The following NUP58 variants were observed in gnomAD, a reference collection of about 807,000 sequenced individuals.
NUP58 encodes the protein nucleoporin p58/p45.
Under a neutral mutation model 70.1 loss-of-function variants are expected in NUP58, and 17 were observed. The ratio of observed to expected loss-of-function variants is 0.24; its 90% confidence interval spans 0.17 to 0.36. NUP58 has a LOEUF of 0.36. Among genes scored for constraint, NUP58 ranks in the 10% least tolerant of loss-of-function variants. The pLI is 1.00. For synonymous variants in NUP58, 275 were observed against 257.6 expected (o/e 1.07, Z -0.65); for missense variants, 644 against 701.5 (o/e 0.92, Z 0.93).
intron 3 of NUP58, 119 bp from the exon 4 acceptor site, chr13:25,312,764 A>T: frequency 1.1e-6 from 1 of 916,346 alleles, no homozygotes; most frequent in Non-Finnish European, 1.6e-6. Flanking sequence ...CCCTTCTTCT[A>T]TTGGCAAAAG....
At position 25,321,105 on chromosome 13, in the gene NUP58, T is replaced by A; in HGVS notation, c.951+12T>A. On this transcript the variant is annotated intron_variant, in intron 9 of 15. Coordinates refer to ENST00000381736, the MANE Select transcript of NUP58 (RefSeq NM_014089.4). ...TAGAAACTGCTCAGGTATACCAACT[T>A]ATGGCCATTTTACCGTAGGGTTTTT... 1 of 1,562,530 alleles carries A rather than the reference T, an allele frequency of 6.4e-7. No individual in the cohort carries two copies. The highest frequency in any genetic ancestry group is 1.2e-5 in the South Asian group (1 of 81,426).
intron 13 of NUP58, chr13:25,335,975 T>TAAA: frequency 1.2e-6 from 1 of 838,090 alleles, no homozygotes; most frequent in Admixed American, 5.7e-5. Context: ...TGCTTAGTTT[T>TAAA]AAAAAAAAAA....
intron 13 of NUP58, chr13:25,336,352 T>A: frequency 3.1e-6 from 3 of 972,686 alleles, no homozygotes; most frequent in Non-Finnish European, 4.4e-6. Context: ...AAACATTGTC[T>A]TGTTTTTTAT....
At chr13:25,343,690 CA>C (rs1175501311), downstream of NUP58, among the ~76,000 whole-genome samples, 1 of 151,720 alleles carries the variant, frequency 6.6e-6, no homozygotes, top group Non-Finnish European at 1.5e-5. Flanking sequence ...CTCCTGACCT[CA>C]GGTAATCTGC....
intron 13 of NUP58, chr13:25,335,761 ATTC>A (rs1374907523): frequency 2.0e-6 from 2 of 983,856 alleles, no homozygotes; most frequent in Admixed American, 6.2e-5. Flanking sequence ...TACAAACCTC[ATTC>A]TTCATTGGAT....
chr13:25,318,447 A>AT (rs2031038646), intron 6 of NUP58, among the ~76,000 whole-genome samples: 1 of 152,170 alleles, frequency 6.6e-6, no homozygotes, highest in Non-Finnish European at 1.5e-5. Flanking sequence ...ATTTTTTCAC[A>AT]TTTTAACATC....
Position 25,328,412 on chromosome 13 carries a change from T to G in NUP58, c.1233+900T>G, listed in dbSNP as rs1395935757. 2.0e-5 allele frequency among the ~76,000 whole-genome samples: 3 copies of G among 149,664 alleles called. No homozygotes were observed. The East Asian group carries it at 6.0e-4, about 30-fold the overall frequency. ...GACTCTCGCTTTTTTTTTTTTTTTTTTGAGACAGACTCTTGCTCTGTCGCC... is the reference window on the plus strand; with the variant it reads ...GACTCTCGCTTTTTTTTTTTTTTTTGTGAGACAGACTCTTGCTCTGTCGCC... On this transcript the variant is annotated intron_variant, in intron 12 of 15. Transcript: ENST00000381736.
chr13:25,302,410 C>G (rs2030067415), intron 1 of NUP58, among the ~76,000 whole-genome samples: 1 of 152,094 alleles, frequency 6.6e-6, no homozygotes, highest in African/African-American at 2.4e-5. Flanking sequence ...AACAAAAACA[C>G]TTTTTTACAG....
chr13:25,324,912 A>AT (rs917682104), intron 9 of NUP58, 77 bp from the exon 10 acceptor site: 24 of 933,392 alleles, frequency 2.6e-5, no homozygotes, highest in Non-Finnish European at 3.5e-5. Flanking sequence ...GAGACTGAAT[A>AT]TTTTTTTTCG....
rs776809650 is a variant in NUP58, at chr13:25,331,492, A to G, written c.1369A>G (p.Thr457Ala). ...TACTACTGGACCCACTCCTTTCAGC[A>G]CCATGCCAAACGCAGCAGCCGTTGC... ...RVTTGPTPFS[T>A]MPNAAAVAMA... The change falls in exon 13 of 16, where the codon ACC (threonine) becomes GCC (alanine). Residue 457 changes from threonine (T) to alanine (A), a missense_variant. This residue lies in a region of NUP58 where 132 missense variants were observed against 203.9 expected (regional missense o/e 0.65). Transcript: ENST00000381736. 1.9e-6 allele frequency: 3 copies of G among 1,614,054 alleles called. No homozygotes were observed. In the East Asian group the frequency reaches 6.7e-5, roughly 36 times the overall value.
At chr13:25,323,916 G>A (rs1002027935) in intron 9 of NUP58, among the ~76,000 whole-genome samples, 2 of 152,156 alleles carry the variant, frequency 1.3e-5, no homozygotes, top group African/African-American at 4.8e-5. Context: ...TATGATCCAG[G>A]TACAAGGGTT....
At chr13:25,309,177 T>G (rs370214018) in intron 2 of NUP58, 70 bp from the exon 3 acceptor site, 5 of 1,191,434 alleles carry the variant, frequency 4.2e-6, no homozygotes, top group East Asian at 2.3e-5. Flanking sequence ...AGTCTTTCCC[T>G]TATGACAGGT....
chr13:25,345,534 A>G (rs1324613660), downstream of NUP58, among the ~76,000 whole-genome samples: 1 of 151,272 alleles, frequency 6.6e-6, no homozygotes, highest in Non-Finnish European at 1.5e-5. Flanking sequence ...TTCCCTATGA[A>G]GAGGTTTATG....
chr13:25,301,683 A>C lies in NUP58; in HGVS notation c.-91A>C. 1.6e-6 allele frequency: 1 copy of C among 633,344 alleles called. No individual in the cohort carries two copies. Among genetic ancestry groups the C allele is most frequent in the Non-Finnish European group, 2.5e-6 (1 of 401,772 alleles). The allele number at this position is 633,344 out of a possible 1,614,324, so 39.2% of individuals were successfully genotyped here. A position where few individuals can be genotyped will look rare whatever the true frequency, so the allele number is the denominator to read the frequency against. ...TCCCGCCAGGTCCGTGCCGGGCGAGAGAGATGCTGCCCGGCCCGCCTCGGC... is the reference window on the plus strand; with the variant it reads ...TCCCGCCAGGTCCGTGCCGGGCGAGCGAGATGCTGCCCGGCCCGCCTCGGC... On this transcript the variant is annotated 5_prime_UTR_variant, in exon 1 of 16. Transcript: ENST00000381736.
chr13:25,315,523 G>A, intron 6 of NUP58, 56 bp downstream of exon 6: 1 of 1,276,272 alleles, frequency 7.8e-7, no homozygotes, highest in Non-Finnish European at 1.1e-6. Context: ...GGAATGTCTA[G>A]GTTGCTCAAA....
intron 2 of NUP58, among the ~76,000 whole-genome samples, chr13:25,308,989 G>A (rs565904973): frequency 1.3e-5 from 2 of 151,756 alleles, no homozygotes; most frequent in Admixed American, 6.6e-5. Flanking sequence ...TTTTGGTCTT[G>A]CTTAATTTTG....
intron 13 of NUP58, chr13:25,336,119 G>T: frequency 7.8e-7 from 1 of 1,289,044 alleles, no homozygotes; most frequent in East Asian, 5.7e-5. Context: ...CCAAAACGTT[G>T]GAAAGAAACT....
chr13:25,333,927 A>G, intron 13 of NUP58: 1 of 985,432 alleles, frequency 1.0e-6, no homozygotes. Context: ...TTTTATTAAC[A>G]TGAATATGGG....
At chr13:25,333,735 C>A in intron 13 of NUP58, 2 of 985,126 alleles carry the variant, frequency 2.0e-6, no homozygotes, top group East Asian at 2.3e-4. Context: ...TGTTTTGTAC[C>A]CCATAAGTTA....
Sources: gnomAD v4.1 joint callset for allele counts (sites outside exome capture counted in the v4.1 genomes callset) on GRCh38, gnomAD v4.1.1 for gene constraint, gnomAD v4.1.1 regional missense constraint, MANE v1.5 for transcripts, NCBI Gene and HGNC (gene_info 2026-07-23, HGNC 2026-07-21) for gene names.